Variants in TFCP2 observed in about 807,000 individuals in gnomAD.
TFCP2 encodes the protein alpha-globin transcription factor CP2.
A neutral mutation model predicts 73.4 loss-of-function variants in TFCP2; 33 were observed. The observed-to-expected ratio is 0.45, with a 90% CI of 0.34 to 0.60. TFCP2 has a LOEUF of 0.60. Ranked by LOEUF, TFCP2 falls within the 20% of genes least tolerant of loss-of-function variation. The pLI is 0.01. For missense variants in TFCP2, 352 were observed against 604.0 expected (o/e 0.58, Z 4.37); for synonymous variants, 193 against 211.6 (o/e 0.91, Z 0.76).
At chr12:51,154,630 G>A (rs1371136317) in intron 1 of TFCP2, among the ~76,000 whole-genome samples, 1 of 152,174 alleles carries the variant, frequency 6.6e-6, no homozygotes, top group Non-Finnish European at 1.5e-5. Flanking sequence ...GGAGGTGGAG[G>A]TTGCAGTGAG....
chr12:51,101,889 C>A (rs780354339), intron 11 of TFCP2, 46 bp downstream of exon 11: 7 of 1,240,912 alleles, frequency 5.6e-6, no homozygotes, highest in Non-Finnish European at 3.6e-6. Context: ...AATCCAAATC[C>A]ATTTGGAATC....
At chr12:51,128,139 G>A (rs12823402) in intron 1 of TFCP2, among the ~76,000 whole-genome samples, 26,251 of 151,626 alleles carry the variant, frequency 0.17, 2,535 homozygotes, top group South Asian at 0.29. Context: ...GGCTGGTCTC[G>A]AACTCCTGAC....
chr12:51,138,070 TC>T (rs1279409375), intron 1 of TFCP2, among the ~76,000 whole-genome samples: 3 of 152,124 alleles, frequency 2.0e-5, no homozygotes, highest in Non-Finnish European at 4.4e-5. Flanking sequence ...CCCTCATTCC[TC>T]CCCTTAATGA....
intron 10 of TFCP2, 121 bp from the exon 11 acceptor site, chr12:51,102,146 C>A: frequency 1.4e-6 from 1 of 713,572 alleles, no homozygotes; most frequent in Admixed American, 2.5e-5. Context: ...TAATTTTCTT[C>A]ATGGCATATA....
intron 1 of TFCP2, among the ~76,000 whole-genome samples, chr12:51,164,967 T>C (rs1454284986): frequency 6.6e-6 from 1 of 152,218 alleles, no homozygotes; most frequent in Non-Finnish European, 1.5e-5. Flanking sequence ...ACACCAATCC[T>C]ACTCGAACTC....
chr12:51,100,934 C>T (rs1456167410), intron 11 of TFCP2, among the ~76,000 whole-genome samples: 3 of 152,216 alleles, frequency 2.0e-5, no homozygotes, highest in African/African-American at 7.2e-5. Flanking sequence ...TCAGTTACTA[C>T]TACCTATTTA....
intron 2 of TFCP2, 74 bp from the exon 3 acceptor site, chr12:51,117,821 G>T: frequency 9.8e-7 from 1 of 1,021,196 alleles, no homozygotes; most frequent in Non-Finnish European, 1.5e-6. Flanking sequence ...ATAAAATTCA[G>T]TTGGTTGAAT....
At position 51,117,716 on chromosome 12, in the gene TFCP2, A is replaced by G; in HGVS notation, c.306T>C (p.Asn102=). The change falls in exon 3 of 15, where the codon AAT becomes AAC. Residue 102 remains asparagine, a synonymous_variant. Coordinates refer to ENST00000257915, the MANE Select transcript of TFCP2 (RefSeq NM_005653.5). ...GQSYEIRMLD[N]RKLGELPEIN... is the part of the protein sequence containing the mutation. ...TTTCTGGAAGTTCTCCAAGTTTCCT[A>G]TTGTCTAGCATTCGAATTTCATAAG... 1 of 1,613,120 alleles carries G rather than the reference A, an allele frequency of 6.2e-7. No individual in the cohort carries two copies. The highest frequency in any genetic ancestry group is 8.5e-7 in the Non-Finnish European group (1 of 1,179,550).
intron 1 of TFCP2, among the ~76,000 whole-genome samples, chr12:51,166,540 T>C (rs1349979573): frequency 1.3e-5 from 2 of 152,136 alleles, no homozygotes; most frequent in East Asian, 3.9e-4. Context: ...TGGACCTGCA[T>C]GAGTGCCCAA....
chr12:51,101,459 T>G (rs1390951292), intron 11 of TFCP2, among the ~76,000 whole-genome samples: 1 of 152,220 alleles, frequency 6.6e-6, no homozygotes, highest in Non-Finnish European at 1.5e-5. Flanking sequence ...AGAACTCAGC[T>G]TAAGTATCCC....
At chr12:51,151,843 T>C (rs1000005599) in intron 1 of TFCP2, among the ~76,000 whole-genome samples, 3 of 152,176 alleles carry the variant, frequency 2.0e-5, no homozygotes, top group African/African-American at 4.8e-5. Context: ...GAAGATTACA[T>C]TGTATTCAAT....
chr12:51,104,672 A>G (rs1264982871), intron 8 of TFCP2, among the ~76,000 whole-genome samples: 2 of 152,156 alleles, frequency 1.3e-5, no homozygotes, highest in Admixed American at 1.3e-4. Flanking sequence ...AAGAAAATTT[A>G]TGCAATGCAA....
At chr12:51,164,229 C>T (rs1459187834) in intron 1 of TFCP2, among the ~76,000 whole-genome samples, 1 of 151,748 alleles carries the variant, frequency 6.6e-6, no homozygotes, top group Non-Finnish European at 1.5e-5. Context: ...ACAACAACAA[C>T]CACAAAAACC....
At chr12:51,167,648 C>A (rs1166318377) in intron 1 of TFCP2, among the ~76,000 whole-genome samples, 2 of 152,150 alleles carry the variant, frequency 1.3e-5, no homozygotes, top group African/African-American at 2.4e-5. Context: ...CCTGCCTCAG[C>A]CTCCCAAAGT....
rs138325819 is a variant in TFCP2 at position 51,109,155 on chromosome 12, A to G, written c.683T>C (p.Leu228Ser). 8 of 1,614,204 alleles carry G rather than the reference A, an allele frequency of 5.0e-6. 1 individual carries two copies. Among genetic ancestry groups the G allele is most frequent in the Non-Finnish European group, 6.8e-6 (8 of 1,180,014 alleles). Reference protein sequence around the residue: ...ENENGEYTEHLHSASCQIKVF... With the variant: ...ENENGEYTEHSHSASCQIKVF... ...TTTGATCTGGCAGCTGGCCGAGTGT[A>G]AGTGCTCAGTATATTCCCCGTTTTC... The change falls in exon 6 of 15, where the codon TTA becomes TCA. Residue 228 changes from leucine to serine, a missense_variant. Physicochemically the swap from Leu to Ser is moderately radical, Grantham distance 145 (BLOSUM62 -2). Around this residue, in one of 6 missense-constraint regions of TFCP2, gnomAD observed 47 missense variants for 89.1 expected, o/e 0.53. Transcript: ENST00000257915.
intron 1 of TFCP2, among the ~76,000 whole-genome samples, chr12:51,120,952 TA>T (rs958972574): frequency 1.3e-5 from 2 of 150,698 alleles, no homozygotes; most frequent in Admixed American, 1.3e-4. Flanking sequence ...AGTAACATGT[TA>T]AAGCAAGGTG....
chr12:51,113,929 ACAAACACGAACT>A (rs934672784), intron 4 of TFCP2, among the ~76,000 whole-genome samples: 1 of 152,184 alleles, frequency 6.6e-6, no homozygotes, highest in African/African-American at 2.4e-5. Context: ...TGTACCATAT[ACAAACACGAACT>A]CAAAATGGAC....
chr12:51,170,343 C>CTTTTTTTTTTTTTTT (rs4026184), intron 1 of TFCP2, among the ~76,000 whole-genome samples: 4 of 147,116 alleles, frequency 2.7e-5, no homozygotes, highest in Admixed American at 6.9e-5. Flanking sequence ...TAAAATCTTT[C>CTTTTTTTTTTTTTTT]TTTTTTTTTA....
chr12:51,165,740 T>A (rs1941745046), intron 1 of TFCP2, among the ~76,000 whole-genome samples: 2 of 152,172 alleles, frequency 1.3e-5, no homozygotes, highest in Admixed American at 6.6e-5. Flanking sequence ...TTTTAAAGGG[T>A]TAAAATGATA....
Sources: allele counts gnomAD v4.1 joint callset (sites outside exome capture counted in the v4.1 genomes callset), GRCh38; gene constraint gnomAD v4.1.1; regional missense constraint gnomAD v4.1.1; transcripts MANE v1.5; gene names NCBI Gene and HGNC (gene_info 2026-07-23, HGNC 2026-07-21).